ELMO1: variants seen among roughly 807,000 people sequenced by gnomAD.
ELMO1 encodes engulfment and cell motility 1, also known as engulfment and cell motility protein 1.
Under a neutral mutation model 98.9 loss-of-function variants are expected in ELMO1, and 26 were observed. The observed-to-expected ratio is 0.26, with a 90% CI of 0.19 to 0.36. The LOEUF is 0.36. Ranked by LOEUF, ELMO1 falls within the 10% of genes least tolerant of loss-of-function variation. ELMO1 has a pLI of 1.00. For missense variants in ELMO1, 627 were observed against 935.2 expected (o/e 0.67, Z 4.30); for synonymous variants, 346 against 346.0 (o/e 1.00, Z 0.00).
chr7:37,407,728 T>A (rs1223789337), intron 1 of ELMO1, among the ~76,000 whole-genome samples: 1 of 152,186 alleles, frequency 6.6e-6, no homozygotes, highest in Non-Finnish European at 1.5e-5. Flanking sequence ...TTCTTTTGTA[T>A]GACAGAATAA....
At chr7:36,869,390 G>A (rs1348903492) in intron 20 of ELMO1, among the ~76,000 whole-genome samples, 1 of 152,074 alleles carries the variant, frequency 6.6e-6, no homozygotes, top group Non-Finnish European at 1.5e-5. Context: ...CTATAGATAG[G>A]GCCATCCTGC....
chr7:37,164,052 C>T (rs138804490), intron 13 of ELMO1, among the ~76,000 whole-genome samples: 139,362 of 152,202 alleles, frequency 0.92, 64,200 homozygotes, highest in Non-Finnish European at 0.97. Flanking sequence ...AGATAATATC[C>T]CATTGCGGTT....
intron 2 of ELMO1, among the ~76,000 whole-genome samples, chr7:37,326,350 T>A: frequency 6.6e-6 from 1 of 151,612 alleles, no homozygotes. Flanking sequence ...AGGTCAGGAG[T>A]TCGAGACCAG....
chr7:37,368,996 C>T (rs1217849359), intron 1 of ELMO1, among the ~76,000 whole-genome samples: 1 of 152,070 alleles, frequency 6.6e-6, no homozygotes, highest in African/African-American at 2.4e-5. Context: ...AGAAGCTTTC[C>T]CTCTCGGCAT....
intron 13 of ELMO1, among the ~76,000 whole-genome samples, chr7:37,179,508 A>G (rs1790711169): frequency 6.6e-6 from 1 of 152,064 alleles, no homozygotes; most frequent in African/African-American, 2.4e-5. Flanking sequence ...CGACCTCCTG[A>G]CCTTGTGATC....
At chr7:37,151,645 G>A (rs1475003652) in intron 13 of ELMO1, among the ~76,000 whole-genome samples, 3 of 152,180 alleles carry the variant, frequency 2.0e-5, no homozygotes, top group African/African-American at 7.2e-5. Context: ...GAAAGTTTCT[G>A]ACAGGAGATG....
intron 15 of ELMO1, among the ~76,000 whole-genome samples, chr7:37,085,605 G>A (rs146483901): frequency 3.7e-3 from 570 of 152,012 alleles, no homozygotes; most frequent in African/African-American, 0.013. Flanking sequence ...GGTACATCAC[G>A]ATCCTACAAG....
intron 1 of ELMO1, among the ~76,000 whole-genome samples, chr7:37,395,396 T>C (rs974264935): frequency 4.0e-5 from 6 of 150,492 alleles, no homozygotes; most frequent in South Asian, 2.1e-4. Context: ...AAAAGAGTTG[T>C]TCATCCTGCC....
At chr7:36,923,499 T>C (rs1785302947) in intron 16 of ELMO1, among the ~76,000 whole-genome samples, 1 of 152,196 alleles carries the variant, frequency 6.6e-6, no homozygotes, top group Non-Finnish European at 1.5e-5. Context: ...GGGCTTAGTA[T>C]GTGGGCTTAA....
intron 15 of ELMO1, among the ~76,000 whole-genome samples, chr7:37,092,271 A>T (rs1784136676): frequency 6.6e-6 from 1 of 151,620 alleles, no homozygotes; most frequent in Non-Finnish European, 1.5e-5. Context: ...CCCTAGATCC[A>T]GCTGTCATTT....
chr7:37,119,161 C>T (rs1785819227), intron 14 of ELMO1, among the ~76,000 whole-genome samples: 1 of 152,128 alleles, frequency 6.6e-6, no homozygotes, highest in Non-Finnish European at 1.5e-5. Context: ...CATGTGATTG[C>T]TGTGATCATT....
chr7:37,147,169 T>C (rs1788038075), intron 13 of ELMO1, among the ~76,000 whole-genome samples: 1 of 152,200 alleles, frequency 6.6e-6, no homozygotes, highest in African/African-American at 2.4e-5. Context: ...ATTCATGATA[T>C]CCCAGCTCCT....
intron 16 of ELMO1, among the ~76,000 whole-genome samples, chr7:37,008,723 T>C (rs188567720): frequency 1.3e-5 from 2 of 152,328 alleles, no homozygotes; most frequent in African/African-American, 4.8e-5. Context: ...CATAGAGCTC[T>C]GGAATAGCAG....
chr7:37,350,040 C>T (rs554818249), intron 1 of ELMO1, among the ~76,000 whole-genome samples: 3 of 152,282 alleles, frequency 2.0e-5, no homozygotes, highest in South Asian at 2.1e-4. Context: ...TGTCCCCCCA[C>T]CTGCCCTACA....
intron 1 of ELMO1, among the ~76,000 whole-genome samples, chr7:37,443,236 T>C (rs1019795450): frequency 2.0e-5 from 3 of 152,248 alleles, no homozygotes; most frequent in African/African-American, 7.2e-5. Flanking sequence ...GTCCAGCAAG[T>C]TGTGCCTCTC....
intron 18 of ELMO1, among the ~76,000 whole-genome samples, chr7:36,881,932 G>C (rs1271583021): frequency 6.6e-6 from 1 of 152,168 alleles, no homozygotes; most frequent in Non-Finnish European, 1.5e-5. Context: ...CTATCAGACA[G>C]TGTAGCCCAC....
At chr7:37,017,136 C>T (rs1223795812) in intron 15 of ELMO1, among the ~76,000 whole-genome samples, 1 of 152,174 alleles carries the variant, frequency 6.6e-6, no homozygotes, top group Non-Finnish European at 1.5e-5. Context: ...TTACGCTCCC[C>T]TTCTGGACCT....
At chr7:37,244,239 A>G (rs1371565992) in intron 7 of ELMO1, 117 bp downstream of exon 7, 3 of 1,065,614 alleles carry the variant, frequency 2.8e-6, no homozygotes, top group Non-Finnish European at 1.3e-6. Flanking sequence ...ATAACAAAAA[A>G]TCACTTATTC....
intron 1 of ELMO1, among the ~76,000 whole-genome samples, chr7:37,356,854 TA>T (rs1368199148): frequency 6.6e-6 from 1 of 150,654 alleles, no homozygotes; most frequent in Non-Finnish European, 1.5e-5. Flanking sequence ...AATAAATAAA[TA>T]AAAAAATCCT....
Sources: gnomAD v4.1 joint callset for allele counts (sites outside exome capture counted in the v4.1 genomes callset) on GRCh38, gnomAD v4.1.1 for gene constraint, MANE v1.5 for transcripts, NCBI Gene and HGNC (gene_info 2026-07-23, HGNC 2026-07-21) for gene names.